The following EFHB variants were observed in gnomAD, a reference collection of about 807,000 sequenced individuals.
EFHB encodes EF-hand domain family member B, also known as EF-hand domain-containing family member B.
Under a neutral mutation model 87.2 loss-of-function variants are expected in EFHB, and 91 were observed. The observed-to-expected ratio is 1.04, with a 90% CI of 0.88 to 1.24. The LOEUF (loss-of-function observed/expected upper bound fraction) is 1.24, where lower values mean the gene tolerates loss of function less well. EFHB is among the 50% of genes most tolerant of loss of function. The pLI, the probability that EFHB is intolerant of heterozygous loss-of-function variation, is 0.00. For synonymous variants in EFHB, 325 were observed against 333.6 expected (o/e 0.97, Z 0.28); for missense variants, 1,084 against 998.8 (o/e 1.09, Z -1.15).
At chr3:19,931,702 T>C (rs1166733762) in intron 1 of EFHB, among the ~76,000 whole-genome samples, 1 of 152,236 alleles carries the variant, frequency 6.6e-6, no homozygotes, top group African/African-American at 2.4e-5. Context: ...TCAGACTTAC[T>C]TTTTTCTTCT....
chr3:19,931,078 G>A (rs971734974), intron 1 of EFHB, among the ~76,000 whole-genome samples: 2 of 152,124 alleles, frequency 1.3e-5, no homozygotes, highest in African/African-American at 2.4e-5. Context: ...CACAAGAATC[G>A]CTTAAGCCTG....
At chr3:19,927,240 G>A (rs1695662855) in intron 1 of EFHB, among the ~76,000 whole-genome samples, 1 of 152,152 alleles carries the variant, frequency 6.6e-6, no homozygotes, top group African/African-American at 2.4e-5. Context: ...GGACAGTCTC[G>A]GGATAGCTTA....
chr3:19,924,367 C>T (rs891759474), intron 1 of EFHB, among the ~76,000 whole-genome samples: 2 of 152,038 alleles, frequency 1.3e-5, no homozygotes, highest in African/African-American at 4.8e-5. Context: ...GCACATGCCA[C>T]CACGCCCGGC....
At chr3:19,880,865 T>A (rs1238107199) in intron 12 of EFHB, among the ~76,000 whole-genome samples, 1 of 149,986 alleles carries the variant, frequency 6.7e-6, no homozygotes, top group African/African-American at 2.5e-5. Flanking sequence ...AACAAAATTT[T>A]AAAATGAAAC....
intron 9 of EFHB, chr3:19,894,857 G>T (rs1559450398): frequency 6.6e-6 from 1 of 151,916 alleles, no homozygotes; most frequent in Admixed American, 6.6e-5. Context: ...GGTGGCAGGT[G>T]CCTGTAATCC....
chr3:19,920,604 T>C, intron 1 of EFHB, 37 bp from the exon 2 acceptor site: 2 of 1,505,744 alleles, frequency 1.3e-6, no homozygotes, highest in Non-Finnish European at 1.8e-6. Flanking sequence ...ATTGCCAGGG[T>C]GGAAGAGGAG....
Position 19,933,802 on chromosome 3 carries a change from C to G in EFHB, c.217G>C (p.Gly73Arg). 6.2e-7 allele frequency: 1 copy of G among 1,613,956 alleles called. No homozygotes were observed. The change falls in exon 1 of 13, where the codon GGA becomes CGA. Residue 73 changes from glycine (G) to arginine (R), a missense_variant. Gly to Arg is a moderately radical substitution (Grantham distance 125). Transcript: ENST00000295824. ...CTAGAAATATTCTGTCTTTCTAATC[C>G]CATTTCAAGCCCCTTGCTCAATGGA... Reference protein sequence around the residue: ...KFPLSKGLEMGLERQNISRTV... With the variant: ...KFPLSKGLEMRLERQNISRTV...
Position 19,898,823 on chromosome 3 carries a change from G to C in EFHB, c.1525C>G (p.Pro509Ala), listed in dbSNP as rs73188448. 1.8e-3 allele frequency: 2,982 copies of C among 1,613,672 alleles called. 26 individuals are homozygous for C. The African/African-American group carries it at 0.024, about 13-fold the overall frequency. ...CAAGCTCCAAATGTGCAGTCTGGGG[G>C]AACATTCATTGTTTCTGCAATGCTA... ...LDPIAETMNV[P>A]PDCTFGACLR... Residue 509 changes from proline (P) to alanine (A), a missense_variant, in exon 8 of 13, where the codon CCC becomes GCC. By Grantham distance (27) the Pro-to-Ala change is conservative. Transcript: ENST00000295824.
chr3:19,918,301 C>A lies in EFHB; in HGVS notation c.1108G>T (p.Asp370Tyr). ...NRRAPLGKSH[D>Y]QAPGLPKGMD... The stretch of plus-strand genomic sequence containing the variant: ...CCTTTTGGTAATCCTGGTGCTTGAT[C>A]GTGAGATTTTCCTAATGGTGCTCGT... The change falls in exon 4 of 13, where the codon GAT becomes TAT. Residue 370 changes from aspartate (D) to tyrosine (Y), a missense_variant. Physicochemically the swap from Asp to Tyr is radical, Grantham distance 160 (BLOSUM62 -3). Transcript: ENST00000295824. The A allele has an allele frequency of 6.2e-7, 1 of 1,613,220 alleles. No individual in the cohort carries two copies. The highest frequency in any genetic ancestry group is 1.1e-5 in the South Asian group (1 of 90,904).
intron 1 of EFHB, among the ~76,000 whole-genome samples, chr3:19,925,061 C>T (rs577634866): frequency 4.6e-5 from 7 of 151,610 alleles, no homozygotes; most frequent in East Asian, 1.9e-4. Context: ...CTGGCTTAAA[C>T]GGTGAAACAT....
At chr3:19,923,243 G>C (rs1469055575) in intron 1 of EFHB, among the ~76,000 whole-genome samples, 2 of 151,612 alleles carry the variant, frequency 1.3e-5, no homozygotes, top group Non-Finnish European at 2.9e-5. Flanking sequence ...CTCCAGCCTG[G>C]GCAAAAAGAG....
At chr3:19,934,279 T>TC, upstream of EFHB, 1 of 1,365,866 alleles carries the variant, frequency 7.3e-7, no homozygotes, top group Non-Finnish European at 9.4e-7. Flanking sequence ...CTTGGACAGA[T>TC]CCCTGCCCAT....
At chr3:19,906,956 C>T (rs561860072) in intron 5 of EFHB, among the ~76,000 whole-genome samples, 5 of 151,598 alleles carry the variant, frequency 3.3e-5, no homozygotes, top group East Asian at 1.9e-4. Flanking sequence ...GAAGAAATGA[C>T]GACACAAGGA....
rs1392897572 is a variant in EFHB at position 19,905,730 on chromosome 3, C to CT, written c.1307dup (p.Tyr437ValfsTer2). 6.2e-7 allele frequency: 1 copy of CT among 1,610,064 alleles called. No homozygotes were observed. Among genetic ancestry groups the CT allele is most frequent in the African/African-American group, 1.3e-5 (1 of 74,972 alleles). Reference sequence around the variant, plus strand: ...ACCTATGGAAACTTGATGGGTTATACTTTCGGTTCTTTGCCTCTCCTGTGG... The same window carrying CT: ...ACCTATGGAAACTTGATGGGTTATACTTTTCGGTTCTTTGCCTCTCCTGTGG... On this transcript the variant is annotated frameshift_variant, in exon 6 of 13. Coordinates refer to ENST00000295824, the MANE Select transcript of EFHB (RefSeq NM_144715.4). LOFTEE classifies it high-confidence loss of function.
chr3:19,920,790 T>C (rs1039693005), intron 1 of EFHB, among the ~76,000 whole-genome samples: 3 of 152,210 alleles, frequency 2.0e-5, no homozygotes, highest in Middle Eastern at 3.2e-3. Flanking sequence ...TAAGCATATA[T>C]TTTTACAGCA....
At position 19,888,473 on chromosome 3, in the gene EFHB, T is replaced by TAAAGA; in HGVS notation, c.1903_1904insTCTTT (p.Lys635IlefsTer19). 6.4e-7 allele frequency: 1 copy of TAAAGA among 1,564,266 alleles called. No homozygotes were observed. The highest frequency in any genetic ancestry group is 8.7e-7 in the Non-Finnish European group (1 of 1,152,042). ...AATAATGACCCTCTCTTCATACTCT[T>TAAAGA]TAAGAAGCATTTTGTCTTTCCAGTT... is the stretch of plus-strand genomic sequence containing the variant. On this transcript the variant is annotated frameshift_variant, in exon 10 of 13. Transcript: ENST00000295824. LOFTEE classifies it high-confidence loss of function.
intron 9 of EFHB, among the ~76,000 whole-genome samples, chr3:19,889,277 C>T (rs1200126402): frequency 6.6e-6 from 1 of 152,196 alleles, no homozygotes; most frequent in Non-Finnish European, 1.5e-5. Context: ...AGGGGCAGAG[C>T]ACACAATGTT....
chr3:19,923,878 T>C (rs1392527940), intron 1 of EFHB, among the ~76,000 whole-genome samples: 3 of 152,222 alleles, frequency 2.0e-5, no homozygotes. Flanking sequence ...AAGAAATAAC[T>C]CTTTAGAATT....
intron 1 of EFHB, among the ~76,000 whole-genome samples, chr3:19,927,546 A>G (rs1695673910): frequency 6.6e-6 from 1 of 152,130 alleles, no homozygotes; most frequent in African/African-American, 2.4e-5. Flanking sequence ...AGCAACTTCA[A>G]ACCATAGGAT....
Sources: gnomAD v4.1 joint callset for allele counts (sites outside exome capture counted in the v4.1 genomes callset) on GRCh38, gnomAD v4.1.1 for gene constraint, MANE v1.5 for transcripts, NCBI Gene and HGNC (gene_info 2026-07-23, HGNC 2026-07-21) for gene names.